Variants in ZFHX4 observed in about 807,000 individuals in gnomAD.
ZFHX4 encodes zinc finger homeobox protein 4.
A neutral mutation model predicts 267.6 loss-of-function variants in ZFHX4; 56 were observed. The ratio of observed to expected loss-of-function variants is 0.21; its 90% CI spans 0.17 to 0.26. The LOEUF is 0.26. ZFHX4 is among the 10% of genes least tolerant of loss of function. The pLI is 1.00. For missense variants in ZFHX4, 4,332 were observed against 4,420.0 expected (o/e 0.98, Z 0.56); for synonymous variants, 1,778 against 1,665.6 (o/e 1.07, Z -1.64).
intron 4 of ZFHX4, among the ~76,000 whole-genome samples, chr8:76,827,189 C>T (rs1811808573): frequency 6.6e-6 from 1 of 151,800 alleles, no homozygotes; most frequent in African/African-American, 2.4e-5. Context: ...GAAACTGTTC[C>T]ACCTCAGATC....
intron 3 of ZFHX4, among the ~76,000 whole-genome samples, chr8:76,744,610 A>G (rs545197011): frequency 2.0e-4 from 31 of 151,980 alleles, no homozygotes; most frequent in African/African-American, 7.2e-4. Flanking sequence ...ACAGGGTTTC[A>G]CCGTGTTGGC....
Position 76,704,820 on chromosome 8 carries a change from T to C in ZFHX4, c.732T>C (p.Asp244=). 1 of 1,614,160 alleles carries C rather than the reference T, an allele frequency of 6.2e-7. No individual in the cohort carries two copies. ...GAGAGAAAGACTATCTAACCAGTGA[T>C]GGCTCAGCCAAAAACTCCTGTGTGT... The part of the protein sequence containing the change: ...HKREKDYLTS[D]GSAKNSCVSK... The change falls in exon 2 of 11, where the codon GAT becomes GAC. Residue 244 remains aspartate (D), a synonymous_variant. Coordinates refer to ENST00000651372, the MANE Select transcript of ZFHX4 (RefSeq NM_024721.5).
intron 1 of ZFHX4, among the ~76,000 whole-genome samples, chr8:76,699,692 G>A (rs1808051188): frequency 6.7e-6 from 1 of 150,298 alleles, no homozygotes; most frequent in African/African-American, 2.5e-5. Context: ...GGTAGCGATA[G>A]TGGTGTGAAC....
At chr8:76,832,863 C>T (rs542390709) in intron 4 of ZFHX4, among the ~76,000 whole-genome samples, 4 of 152,318 alleles carry the variant, frequency 2.6e-5, no homozygotes, top group Non-Finnish European at 5.9e-5. Context: ...ATGACTTGGA[C>T]TTATTCTTCA....
At chr8:76,743,808 T>C (rs1308185833) in intron 3 of ZFHX4, among the ~76,000 whole-genome samples, 2 of 152,208 alleles carry the variant, frequency 1.3e-5, no homozygotes, top group African/African-American at 4.8e-5. Context: ...AATATTTCAG[T>C]AACTTCCAAA....
At chr8:76,727,934 A>G (rs917980674) in intron 3 of ZFHX4, among the ~76,000 whole-genome samples, 1 of 152,142 alleles carries the variant, frequency 6.6e-6, no homozygotes, top group Non-Finnish European at 1.5e-5. Context: ...ACTTCACCTC[A>G]CTTGTTTAGG....
intron 3 of ZFHX4, among the ~76,000 whole-genome samples, chr8:76,731,522 G>A (rs184511126): frequency 1.2e-3 from 187 of 152,294 alleles, no homozygotes; most frequent in African/African-American, 4.3e-3. Context: ...GCAGCTATTA[G>A]CAGTACATGG....
chr8:76,816,914 A>G (rs531781812), intron 4 of ZFHX4, among the ~76,000 whole-genome samples: 2 of 152,238 alleles, frequency 1.3e-5, no homozygotes, highest in African/African-American at 2.4e-5. Context: ...CTTTTATGCT[A>G]TAAGTTAAAA....
At chr8:76,695,475 C>T (rs777377571) in intron 1 of ZFHX4, among the ~76,000 whole-genome samples, 5 of 152,192 alleles carry the variant, frequency 3.3e-5, no homozygotes, top group Non-Finnish European at 7.3e-5. Flanking sequence ...GAAGTTAACA[C>T]TTAATTTAAA....
rs747161654 is a variant in ZFHX4, at chr8:76,705,097, G to C, written c.1009G>C (p.Glu337Gln). The C allele has an allele frequency of 9.3e-6, 15 of 1,613,464 alleles. No individual in the cohort carries two copies. Among genetic ancestry groups the C allele is most frequent in the East Asian group, 8.9e-5 (4 of 44,866 alleles). ...KDKEPLISFL[E>Q]PKKSTSVYPH... is the part of the protein sequence containing the mutation. ...CAAAGAACCTCTTATAAGCTTTCTG[G>C]AACCAAAAAAATCCACTTCTGTTTA... The change falls in exon 2 of 11, where the codon GAA (glutamate) becomes CAA (glutamine). Residue 337 changes from glutamate (E) to glutamine (Q), a missense_variant. Physicochemically the swap from Glu to Gln is conservative, Grantham distance 29 (BLOSUM62 2). Coordinates refer to ENST00000651372, the MANE Select transcript of ZFHX4 (RefSeq NM_024721.5).
rs1808244383 is a variant in ZFHX4, at chr8:76,705,758, A to G, written c.1670A>G (p.Lys557Arg). 6.2e-7 allele frequency: 1 copy of G among 1,613,890 alleles called. No individual in the cohort carries two copies. Among genetic ancestry groups the G allele is most frequent in the Admixed American group, 1.7e-5 (1 of 60,004 alleles). ...GCTAGTAACTATGGCATCAGTGGCA[A>G]GGACTTTGCAGACGCAAGTGCCAGT... ...SVASNYGISG[K>R]DFADASASKD... Residue 557 changes from lysine (K) to arginine (R), a missense_variant, in exon 2 of 11, where the codon AAG becomes AGG. Physicochemically the swap from Lys to Arg is conservative, Grantham distance 26. Transcript: ENST00000651372.
At chr8:76,699,867 A>G (rs1418623495) in intron 1 of ZFHX4, among the ~76,000 whole-genome samples, 4 of 151,850 alleles carry the variant, frequency 2.6e-5, no homozygotes, top group Admixed American at 2.6e-4. Context: ...TGGTGTCTGC[A>G]TAATACCACT....
intron 3 of ZFHX4, among the ~76,000 whole-genome samples, chr8:76,722,423 C>T (rs1808745931): frequency 6.6e-6 from 1 of 151,838 alleles, no homozygotes; most frequent in Non-Finnish European, 1.5e-5. Flanking sequence ...TTTTGATATC[C>T]TCCCATTATT....
chr8:76,779,732 T>C (rs1810499575), intron 4 of ZFHX4, among the ~76,000 whole-genome samples: 1 of 152,188 alleles, frequency 6.6e-6, no homozygotes, highest in African/African-American at 2.4e-5. Context: ...AAATTTTATG[T>C]AGTGGCGTAA....
Position 76,705,792 on chromosome 8 carries a change from T to C in ZFHX4, c.1704T>C (p.Ser568=), listed in dbSNP as rs751526590. 20 of 1,613,802 alleles carry C rather than the reference T, an allele frequency of 1.2e-5. No homozygotes were observed. In the Admixed American group the frequency reaches 3.3e-4, roughly 27 times the overall value. ...CAGACGCAAGTGCCAGTAAAGACAG[T>C]GCCACAGCTGCTCATCCAAGTGAAA... ...DFADASASKD[S]ATAAHPSEIA... Residue 568 remains serine, a synonymous_variant, in exon 2 of 11, where the codon AGT becomes AGC. Transcript: ENST00000651372.
intron 3 of ZFHX4, among the ~76,000 whole-genome samples, chr8:76,776,232 T>C (rs1314936472): frequency 2.0e-5 from 3 of 152,054 alleles, no homozygotes. Flanking sequence ...ATGACATTGG[T>C]TGAATACCAA....
At chr8:76,786,085 A>G (rs1810681224) in intron 4 of ZFHX4, among the ~76,000 whole-genome samples, 1 of 152,160 alleles carries the variant, frequency 6.6e-6, no homozygotes, top group South Asian at 2.1e-4. Flanking sequence ...GGTCAAGTCT[A>G]TTTTTAAATT....
At chr8:76,795,729 G>A (rs1250218889) in intron 4 of ZFHX4, among the ~76,000 whole-genome samples, 4 of 151,826 alleles carry the variant, frequency 2.6e-5, no homozygotes, top group African/African-American at 7.3e-5. Flanking sequence ...TAGTAGAGAC[G>A]GGGTTTCTCC....
chr8:76,763,137 C>A (rs908482727), intron 3 of ZFHX4, among the ~76,000 whole-genome samples: 1 of 152,114 alleles, frequency 6.6e-6, no homozygotes, highest in South Asian at 2.1e-4. Flanking sequence ...TCTATGCCAC[C>A]GTCCCATAAC....
Sources: gnomAD v4.1 joint callset for allele counts (sites outside exome capture counted in the v4.1 genomes callset) on GRCh38, gnomAD v4.1.1 for gene constraint, MANE v1.5 for transcripts, NCBI Gene and HGNC (gene_info 2026-07-23, HGNC 2026-07-21) for gene names.